Variants in AP4E1 observed in about 807,000 individuals in gnomAD.
AP4E1 encodes AP-4 complex subunit epsilon-1.
Under a neutral mutation model 128.2 loss-of-function variants are expected in AP4E1, and 56 were observed. That is an observed-to-expected ratio of 0.44 (90% CI 0.35 to 0.55). The LOEUF (loss-of-function observed/expected upper bound fraction) is 0.55. Among genes scored for constraint, AP4E1 ranks in the 20% least tolerant of loss-of-function variants. The pLI is 0.00. For synonymous variants in AP4E1, 484 were observed against 473.1 expected, an observed-to-expected ratio of 1.02 and a Z score of -0.30; for missense variants, 1,324 against 1,307.7, an observed-to-expected ratio of 1.01 and a Z score of -0.19.
Position 50,941,582 on chromosome 15 carries a change from T to C in AP4E1, c.1066+18T>C. On this transcript the variant is annotated intron_variant, in intron 9 of 20. Transcript: ENST00000261842. The stretch of plus-strand genomic sequence containing the variant: ...ATATTTAGGTAAGATGATTGGTTCT[T>C]TTGACAGAAATTACAGAGATAGCTT... 6.2e-7 allele frequency: 1 copy of C among 1,612,870 alleles called. No individual in the cohort carries two copies. The highest frequency in any genetic ancestry group is 1.1e-5 in the South Asian group (1 of 91,004).
chr15:50,979,051 C>G (rs1000134946), intron 15 of AP4E1, among the ~76,000 whole-genome samples: 4 of 152,228 alleles, frequency 2.6e-5, no homozygotes, highest in African/African-American at 9.6e-5. Flanking sequence ...TCTCTACTTT[C>G]AAACTTTGTA....
intron 13 of AP4E1, among the ~76,000 whole-genome samples, chr15:50,957,657 A>G (rs907130161): frequency 2.7e-5 from 4 of 149,004 alleles, no homozygotes; most frequent in African/African-American, 9.9e-5. Flanking sequence ...GATGTGTGAC[A>G]TAGACAAGCG....
chr15:50,963,538 G>A (rs2064345002), intron 14 of AP4E1, among the ~76,000 whole-genome samples: 2 of 152,280 alleles, frequency 1.3e-5, no homozygotes, highest in African/African-American at 4.8e-5. Context: ...ATCTTATGGA[G>A]GTAGAGAATA....
At chr15:50,972,732 G>T (rs1228272597) in intron 15 of AP4E1, among the ~76,000 whole-genome samples, 1 of 152,206 alleles carries the variant, frequency 6.6e-6, no homozygotes, top group Non-Finnish European at 1.5e-5. Context: ...GGAAGCATGG[G>T]CATGTAGTTG....
Position 50,971,965 on chromosome 15 carries a change from G to A in AP4E1, c.1966+3588G>A, listed in dbSNP as rs558292443. Reference sequence around the variant, plus strand: ...ATTTCATACATTTCCTTATGATTAGGGGTCTGTTACTAGAAATTTATTATT... The same window carrying A: ...ATTTCATACATTTCCTTATGATTAGAGGTCTGTTACTAGAAATTTATTATT... On this transcript the variant is annotated intron_variant, in intron 15 of 20. Coordinates refer to ENST00000261842, the MANE Select transcript of AP4E1 (RefSeq NM_007347.5). Among the ~76,000 whole-genome samples the A allele has an allele frequency of 1.1e-3, 166 of 152,028 alleles. 2 individuals are homozygous for A. Among genetic ancestry groups the A allele is most frequent in the African/African-American group, 3.8e-3 (158 of 41,472 alleles).
chr15:50,966,093 G>A (rs1341128881), intron 14 of AP4E1, among the ~76,000 whole-genome samples: 1 of 151,978 alleles, frequency 6.6e-6, no homozygotes, highest in East Asian at 1.9e-4. Context: ...AATTTTTTCT[G>A]TAATTTTAGT....
chr15:50,990,989 G>A (rs894439767), intron 16 of AP4E1, among the ~76,000 whole-genome samples: 2 of 152,196 alleles, frequency 1.3e-5, no homozygotes, highest in East Asian at 1.9e-4. Context: ...TGCATTGCCG[G>A]TGACAACCTC....
intron 8 of AP4E1, among the ~76,000 whole-genome samples, chr15:50,938,640 G>C (rs530330728): frequency 4.6e-5 from 7 of 152,232 alleles, no homozygotes; most frequent in African/African-American, 1.7e-4. Context: ...TGTGGCCAGG[G>C]TTCGGAGGCG....
chr15:50,944,757 C>A (rs2064035184), intron 10 of AP4E1: 1 of 601,234 alleles, frequency 1.7e-6, no homozygotes, highest in Non-Finnish European at 3.0e-6. Context: ...TCCTACCTTA[C>A]ATCCTTTTGA....
intron 14 of AP4E1, among the ~76,000 whole-genome samples, chr15:50,959,451 G>A (rs150265954): frequency 6.6e-6 from 1 of 152,006 alleles, no homozygotes; most frequent in Admixed American, 6.6e-5. Flanking sequence ...CCCCAAAACT[G>A]CCAGACGAGT....
chr15:50,982,526 G>C (rs1407419126), intron 15 of AP4E1, among the ~76,000 whole-genome samples: 1 of 152,108 alleles, frequency 6.6e-6, no homozygotes, highest in African/African-American at 2.4e-5. Context: ...AGGTCCTTGG[G>C]AGATTCAGTG....
chr15:50,998,167 T>G (rs1214943593), intron 18 of AP4E1, among the ~76,000 whole-genome samples: 1 of 146,788 alleles, frequency 6.8e-6, no homozygotes, highest in Non-Finnish European at 1.5e-5. Flanking sequence ...GGAAGTATGT[T>G]TAATTGCATT....
chr15:50,978,103 T>G (rs1233309842), intron 15 of AP4E1, among the ~76,000 whole-genome samples: 1 of 152,080 alleles, frequency 6.6e-6, no homozygotes. Flanking sequence ...ATCTTTTAGG[T>G]AGAAAAATGA....
chr15:50,911,718 T>TA (rs1222087334), intron 1 of AP4E1, among the ~76,000 whole-genome samples: 1 of 152,144 alleles, frequency 6.6e-6, no homozygotes, highest in Non-Finnish European at 1.5e-5. Flanking sequence ...CCTCAAGTGA[T>TA]TCACTCGCCT....
At position 50,925,796 on chromosome 15, in the gene AP4E1, ATT is replaced by A. The variant is rs34511684; in HGVS notation, c.542+593_542+594del. Among the ~76,000 whole-genome samples, 419 of 141,362 alleles carry A rather than the reference ATT, an allele frequency of 3.0e-3. 2 individuals are homozygous for A. The highest frequency in any genetic ancestry group is 7.3e-3 in the Middle Eastern group (2 of 274). The allele number at this position is 141,362 out of a possible 152,430, so 92.7% of individuals were successfully genotyped here. A position where few individuals can be genotyped will look rare whatever the true frequency, so the allele number is the denominator to read the frequency against. Reference sequence around the variant, plus strand: ...AGGTGCCTGCCACCATGCCCGACTAATTTTTTTTTTTTTTTTTAATAGAAACT... The same window carrying A: ...AGGTGCCTGCCACCATGCCCGACTAATTTTTTTTTTTTTTTAATAGAAACT... On this transcript the variant is annotated intron_variant, in intron 5 of 20. Transcript: ENST00000261842.
chr15:50,979,227 G>A (rs186836569), intron 15 of AP4E1, among the ~76,000 whole-genome samples: 16 of 152,294 alleles, frequency 1.1e-4, no homozygotes, highest in Non-Finnish European at 1.8e-4. Flanking sequence ...TGGATGGTAA[G>A]TGCAATGGTT....
intron 14 of AP4E1, among the ~76,000 whole-genome samples, chr15:50,964,043 T>A (rs1173962292): frequency 6.6e-6 from 1 of 152,254 alleles, no homozygotes; most frequent in Non-Finnish European, 1.5e-5. Context: ...TGGATGTCTG[T>A]ATCTCTTGCA....
At position 50,984,109 on chromosome 15, in the gene AP4E1, A is replaced by T; in HGVS notation, c.2054A>T (p.Asp685Val). Residue 685 changes from aspartate (D) to valine (V), a missense_variant, in exon 16 of 21, where the codon GAT (aspartate) becomes GTT (valine). Physicochemically the swap from Asp to Val is radical, Grantham distance 152 (BLOSUM62 -3). Coordinates refer to ENST00000261842, the MANE Select transcript of AP4E1 (RefSeq NM_007347.5). ...CCTGCTGGCATTTCTCTTGGTTCAGATGTATCTGGGAATAGTGCTGAGACA... is the reference window on the plus strand; with the variant it reads ...CCTGCTGGCATTTCTCTTGGTTCAGTTGTATCTGGGAATAGTGCTGAGACA... ...QSPAGISLGS[D>V]VSGNSAETGL... 1 of 1,613,404 alleles carries T rather than the reference A, an allele frequency of 6.2e-7. No homozygotes were observed. Among genetic ancestry groups the T allele is most frequent in the African/African-American group, 1.3e-5 (1 of 74,978 alleles).
chr15:50,915,250 A>G (rs1347777579), intron 2 of AP4E1, among the ~76,000 whole-genome samples, 198 bp from the exon 3 acceptor site: 4 of 152,332 alleles, frequency 2.6e-5, no homozygotes, highest in Middle Eastern at 3.4e-3. Flanking sequence ...TAATTTTACT[A>G]AAAGTAATAC....
Sources: gnomAD v4.1 joint callset for allele counts (sites outside exome capture counted in the v4.1 genomes callset) on GRCh38, gnomAD v4.1.1 for gene constraint, MANE v1.5 for transcripts, NCBI Gene and HGNC (gene_info 2026-07-23, HGNC 2026-07-21) for gene names.